The following PARD3B variants were observed in gnomAD, a reference collection of about 807,000 sequenced individuals.
PARD3B encodes the protein partitioning defective 3 homolog B.
Under a neutral mutation model 130.2 loss-of-function variants are expected in PARD3B, and 103 were observed. That is an observed-to-expected ratio of 0.79 (90% confidence interval 0.67 to 0.93). The LOEUF (loss-of-function observed/expected upper bound fraction) is 0.93, where lower values mean the gene tolerates loss of function less well. Among genes scored for constraint, PARD3B ranks in the 40% least tolerant of loss-of-function variants. PARD3B has a pLI of 0.00. For missense variants in PARD3B, 1,609 were observed against 1,499.2 expected, an observed-to-expected ratio of 1.07 and a Z score of -1.21; for synonymous variants, 583 against 553.2, an observed-to-expected ratio of 1.05 and a Z score of -0.76.
chr2:204,684,761 CAG>C (rs1025828463), intron 1 of PARD3B, among the ~76,000 whole-genome samples: 7 of 152,186 alleles, frequency 4.6e-5, no homozygotes, highest in Admixed American at 1.3e-4. Context: ...ATCTGTGCCA[CAG>C]AGTCAGGCAT....
At chr2:205,475,037 A>G (rs2048977889) in intron 20 of PARD3B, among the ~76,000 whole-genome samples, 1 of 152,158 alleles carries the variant, frequency 6.6e-6, no homozygotes, top group Non-Finnish European at 1.5e-5. Context: ...ATGTATATTT[A>G]TCAAGACGTA....
At chr2:205,048,327 G>A (rs914672603) in intron 4 of PARD3B, 9 of 152,160 alleles carry the variant, frequency 5.9e-5, no homozygotes, top group African/African-American at 1.9e-4. Flanking sequence ...CTTATAACCA[G>A]ATATACTTAT....
intron 3 of PARD3B, among the ~76,000 whole-genome samples, chr2:204,975,962 C>A (rs1221440512): frequency 6.6e-6 from 1 of 152,174 alleles, no homozygotes; most frequent in African/African-American, 2.4e-5. Context: ...CCTTCCTTGA[C>A]TGCCTTGTTG....
intron 15 of PARD3B, among the ~76,000 whole-genome samples, chr2:205,217,067 T>C: frequency 6.6e-6 from 1 of 152,196 alleles, no homozygotes; most frequent in East Asian, 1.9e-4. Context: ...GCCAACATTC[T>C]TCCCTAATTC....
intron 22 of PARD3B, among the ~76,000 whole-genome samples, chr2:205,580,332 GC>G (rs1222070245): frequency 6.6e-6 from 1 of 152,098 alleles, no homozygotes; most frequent in Non-Finnish European, 1.5e-5. Context: ...TCAGCAGAGG[GC>G]CCCTGGAAGG....
intron 18 of PARD3B, among the ~76,000 whole-genome samples, chr2:205,314,270 C>A (rs558599694): frequency 1.3e-5 from 2 of 152,084 alleles, no homozygotes; most frequent in Non-Finnish European, 2.9e-5. Flanking sequence ...CTTTGCTTTG[C>A]GTATAATAAA....
rs569965259 is a variant in PARD3B at position 205,237,639 on chromosome 2, G to C, written c.2141-8139G>C. Among the ~76,000 whole-genome samples the C allele has an allele frequency of 1.9e-4, 29 of 152,000 alleles. No individual in the cohort carries two copies. In the East Asian group the frequency reaches 5.4e-3, roughly 28 times the overall value. The stretch of plus-strand genomic sequence containing the variant: ...AGTGTGATTTTTCTATAAACAGAGG[G>C]AACTGGTATTTCAAGTATACTACGT... On this transcript the variant is annotated intron_variant, in intron 15 of 22. Transcript: ENST00000406610.
At chr2:205,567,293 G>T (rs2053376857) in intron 22 of PARD3B, among the ~76,000 whole-genome samples, 1 of 142,606 alleles carries the variant, frequency 7.0e-6, no homozygotes, top group South Asian at 2.3e-4. Flanking sequence ...AAAGAATATA[G>T]AACATTCCTT....
intron 4 of PARD3B, among the ~76,000 whole-genome samples, chr2:205,087,745 C>A (rs191422611): frequency 6.6e-6 from 1 of 152,014 alleles, no homozygotes; most frequent in African/African-American, 2.4e-5. Context: ...CCATTTCATC[C>A]GTGTTAGTAT....
chr2:205,144,391 T>G (rs577553246), intron 10 of PARD3B, among the ~76,000 whole-genome samples: 1 of 152,370 alleles, frequency 6.6e-6, no homozygotes, highest in Admixed American at 6.5e-5. Context: ...TGATTTGTTA[T>G]GCAGCATTTG....
intron 2 of PARD3B, among the ~76,000 whole-genome samples, chr2:204,881,763 A>G (rs1416977395): frequency 2.0e-5 from 3 of 152,186 alleles, no homozygotes; most frequent in South Asian, 2.1e-4. Flanking sequence ...TTTCAGAGAA[A>G]GATTTTGCAA....
At chr2:204,612,903 C>A (rs1050676412) in intron 1 of PARD3B, among the ~76,000 whole-genome samples, 6 of 151,808 alleles carry the variant, frequency 4.0e-5, no homozygotes, top group South Asian at 2.1e-4. Context: ...TTTATTTTTT[C>A]TTCCCAGTTC....
intron 4 of PARD3B, among the ~76,000 whole-genome samples, chr2:205,079,915 A>G (rs1352271968): frequency 6.6e-6 from 1 of 152,188 alleles, no homozygotes; most frequent in Admixed American, 6.5e-5. Flanking sequence ...CTCATACTTT[A>G]CTACCCAGAA....
intron 1 of PARD3B, among the ~76,000 whole-genome samples, chr2:204,602,363 G>A (rs955009107): frequency 6.6e-6 from 1 of 151,674 alleles, no homozygotes; most frequent in Non-Finnish European, 1.5e-5. Context: ...TCTCTTAATT[G>A]AGTTCTGTTT....
chr2:205,345,240 C>T (rs944865122), intron 18 of PARD3B, among the ~76,000 whole-genome samples: 33 of 152,044 alleles, frequency 2.2e-4, no homozygotes, highest in African/African-American at 7.7e-4. Context: ...CTAAGTATGA[C>T]GAAGTGGACA....
chr2:205,347,370 A>G (rs188513317), intron 18 of PARD3B, among the ~76,000 whole-genome samples: 13 of 152,328 alleles, frequency 8.5e-5, no homozygotes, highest in Admixed American at 7.8e-4. Flanking sequence ...TTAAGTAGTT[A>G]TTTGCCTGAA....
chr2:205,356,049 C>A (rs949338860), intron 18 of PARD3B, among the ~76,000 whole-genome samples: 4 of 152,162 alleles, frequency 2.6e-5, no homozygotes, highest in African/African-American at 9.7e-5. Flanking sequence ...CTAACCATAT[C>A]ACATATTTAC....
chr2:205,559,182 G>A (rs1313945870), intron 22 of PARD3B, among the ~76,000 whole-genome samples: 1 of 152,322 alleles, frequency 6.6e-6, no homozygotes, highest in East Asian at 1.9e-4. Context: ...GATCTCATCT[G>A]TTGCCCACGT....
At chr2:204,757,282 A>G (rs1170420622) in intron 2 of PARD3B, among the ~76,000 whole-genome samples, 6 of 152,142 alleles carry the variant, frequency 3.9e-5, no homozygotes, top group African/African-American at 1.2e-4. Context: ...ATACCCAGTA[A>G]TGGGGTTTCT....
Sources: gnomAD v4.1 joint callset for allele counts (sites outside exome capture counted in the v4.1 genomes callset) on GRCh38, gnomAD v4.1.1 for gene constraint, MANE v1.5 for transcripts, NCBI Gene and HGNC (gene_info 2026-07-23, HGNC 2026-07-21) for gene names.